Variants in HDAC9 observed in about 807,000 individuals in gnomAD.
The protein encoded by HDAC9 is histone deacetylase 9.
HDAC9 carries 41 observed loss-of-function variants against 139.4 expected under a neutral mutation model. The observed-to-expected ratio is 0.29, with a 90% CI of 0.23 to 0.38. The LOEUF (loss-of-function observed/expected upper bound fraction) is 0.38, where lower values mean the gene tolerates loss of function less well. HDAC9 is among the 10% of genes least tolerant of loss of function. The pLI is 1.00. For synonymous variants in HDAC9, 517 were observed against 476.2 expected, an observed-to-expected ratio of 1.09 and a Z score of -1.12; for missense variants, 1,147 against 1,297.0, an observed-to-expected ratio of 0.88 and a Z score of 1.78.
chr7:18,955,772 AGGGACTGGAT>A (rs1783105644), intron 24 of HDAC9, among the ~76,000 whole-genome samples: 1 of 152,126 alleles, frequency 6.6e-6, no homozygotes, highest in Admixed American at 6.6e-5. Context: ...TGGGGGTGAG[AGGGACTGGAT>A]AGTAAGGAAG....
intron 2 of HDAC9, chr7:18,517,629 AC>A (rs1803660941): frequency 6.6e-6 from 1 of 152,176 alleles, no homozygotes; most frequent in Non-Finnish European, 1.5e-5. Flanking sequence ...TTTTCTCAAC[AC>A]TGATTTGAAC....
chr7:18,533,088 T>A (rs1227541677), intron 2 of HDAC9, among the ~76,000 whole-genome samples: 2 of 152,242 alleles, frequency 1.3e-5, no homozygotes, highest in Non-Finnish European at 2.9e-5. Context: ...CCAAGTCATG[T>A]ATTATAACCA....
At chr7:18,874,159 T>C (rs946213574) in intron 21 of HDAC9, among the ~76,000 whole-genome samples, 1 of 151,972 alleles carries the variant, frequency 6.6e-6, no homozygotes, top group African/African-American at 2.4e-5. Flanking sequence ...AGAAGCAGTT[T>C]TTTATAGGCA....
At chr7:18,180,220 G>GACAC (rs1438507183) in intron 2 of HDAC9, among the ~76,000 whole-genome samples, 86 of 91,116 alleles carry the variant, frequency 9.4e-4, no homozygotes, top group African/African-American at 3.1e-3. Flanking sequence ...CCCTCCCCAA[G>GACAC]ACACATACAC....
intron 2 of HDAC9, among the ~76,000 whole-genome samples, chr7:18,263,267 A>G (rs1795793698): frequency 6.6e-6 from 1 of 152,144 alleles, no homozygotes; most frequent in African/African-American, 2.4e-5. Flanking sequence ...AAATAATAAA[A>G]CCGCATTTTT....
At chr7:18,419,304 A>G (rs779773622) in intron 1 of HDAC9, among the ~76,000 whole-genome samples, 2 of 152,224 alleles carry the variant, frequency 1.3e-5, no homozygotes, top group Non-Finnish European at 2.9e-5. Context: ...TATTAAGTGT[A>G]TCATTCAGTA....
chr7:18,363,688 T>C (rs1287056867), intron 1 of HDAC9, among the ~76,000 whole-genome samples: 3 of 152,154 alleles, frequency 2.0e-5, no homozygotes, highest in Admixed American at 6.6e-5. Flanking sequence ...TGCAGTGTTA[T>C]AAGGATTAAT....
chr7:18,884,951 G>A (rs1254885180), intron 22 of HDAC9, among the ~76,000 whole-genome samples: 2 of 152,136 alleles, frequency 1.3e-5, no homozygotes, highest in Non-Finnish European at 2.9e-5. Context: ...TGGCAGAAAG[G>A]GTGGTTCTGT....
chr7:18,781,315 C>A (rs2129170981), intron 16 of HDAC9, among the ~76,000 whole-genome samples: 1 of 152,124 alleles, frequency 6.6e-6, no homozygotes, highest in Middle Eastern at 3.4e-3. Flanking sequence ...CCAGGGTTGG[C>A]TTTGGTTGAA....
chr7:18,412,298 G>C (rs1788640609), intron 1 of HDAC9, among the ~76,000 whole-genome samples: 1 of 152,178 alleles, frequency 6.6e-6, no homozygotes, highest in South Asian at 2.1e-4. Context: ...TTTCTAGCCA[G>C]AGTAGATAAA....
intron 2 of HDAC9, among the ~76,000 whole-genome samples, chr7:18,224,854 A>AG (rs1293166988): frequency 3.9e-5 from 6 of 152,226 alleles, no homozygotes. Context: ...GAGGTAAATA[A>AG]GAACATGAAG....
At chr7:18,316,260 G>A (rs1330705501) in intron 1 of HDAC9, among the ~76,000 whole-genome samples, 1 of 152,134 alleles carries the variant, frequency 6.6e-6, no homozygotes, top group Non-Finnish European at 1.5e-5. Context: ...TGCACAATAT[G>A]CATAGAAGAA....
At chr7:18,984,813 A>G (rs1197468061) in intron 25 of HDAC9, among the ~76,000 whole-genome samples, 1 of 152,176 alleles carries the variant, frequency 6.6e-6, no homozygotes, top group Non-Finnish European at 1.5e-5. Flanking sequence ...AATAAGGCAA[A>G]CTAGGGTTGA....
intron 2 of HDAC9, among the ~76,000 whole-genome samples, chr7:18,504,121 A>T (rs918577772): frequency 6.6e-6 from 1 of 152,184 alleles, no homozygotes; most frequent in Admixed American, 6.5e-5. Flanking sequence ...GCACTGTTTT[A>T]ACTTTATTCT....
chr7:18,593,959 A>G lies in HDAC9; in HGVS notation c.594A>G (p.Thr198=). ...AAAGCTCTCCACCCCTTAGTGGAAC[A>G]TCTCCATCCTACAAGTACACATTAC... ...LDQSSPPLSG[T]SPSYKYTLPG... The change falls in exon 6 of 26, where the codon ACA becomes ACG. Residue 198 remains threonine (T), a synonymous_variant. Transcript: ENST00000686413. 6.2e-7 allele frequency: 1 copy of G among 1,612,782 alleles called. No homozygotes were observed. Among genetic ancestry groups the G allele is most frequent in the Non-Finnish European group, 8.5e-7 (1 of 1,178,968 alleles).
chr7:18,659,455 T>A (rs971238154), intron 11 of HDAC9, among the ~76,000 whole-genome samples: 1 of 152,152 alleles, frequency 6.6e-6, no homozygotes, highest in Non-Finnish European at 1.5e-5. Flanking sequence ...TGAAGTTTAG[T>A]TGTAATCCTT....
chr7:18,336,665 T>A (rs1781607955), intron 1 of HDAC9, among the ~76,000 whole-genome samples: 1 of 151,686 alleles, frequency 6.6e-6, no homozygotes, highest in Non-Finnish European at 1.5e-5. Context: ...AGGATATTTA[T>A]TATAATACTT....
intron 2 of HDAC9, among the ~76,000 whole-genome samples, chr7:18,239,593 G>T (rs1418125951): frequency 6.6e-6 from 1 of 152,180 alleles, no homozygotes; most frequent in East Asian, 1.9e-4. Context: ...GTGGCAAAAA[G>T]AAGTTAAAAA....
intron 2 of HDAC9, among the ~76,000 whole-genome samples, chr7:18,244,321 T>C (rs1794377733): frequency 1.3e-5 from 2 of 152,160 alleles, no homozygotes; most frequent in Non-Finnish European, 2.9e-5. Flanking sequence ...GCAGCTGAAA[T>C]GAAGTGGTAT....
Sources: allele counts gnomAD v4.1 joint callset (sites outside exome capture counted in the v4.1 genomes callset), GRCh38; gene constraint gnomAD v4.1.1; transcripts MANE v1.5; gene names NCBI Gene and HGNC (gene_info 2026-07-23, HGNC 2026-07-21).